Variants in TLE4 observed in about 807,000 individuals in gnomAD.
TLE4 encodes the protein TLE family member 4, transcriptional corepressor.
TLE4 carries 8 observed loss-of-function variants against 92.8 expected under a neutral mutation model. That is an observed-to-expected ratio of 0.09 (90% CI 0.05 to 0.16). The LOEUF (loss-of-function observed/expected upper bound fraction) is 0.16. TLE4 is among the 10% of genes least tolerant of loss of function. The probability of loss-of-function intolerance (pLI) is 1.00; values close to 1 mark genes in which losing one functional copy is unlikely to be tolerated. For synonymous variants in TLE4, 371 were observed against 374.1 expected (o/e 0.99, Z 0.10); for missense variants, 675 against 997.6 (o/e 0.68, Z 4.36).
chr9:79,598,078 A>G (rs1002396545), intron 4 of TLE4, among the ~76,000 whole-genome samples: 2 of 148,000 alleles, frequency 1.4e-5, no homozygotes, highest in African/African-American at 5.0e-5. Flanking sequence ...TGAAAAAGAA[A>G]AAAAAAAAAA....
intron 8 of TLE4, among the ~76,000 whole-genome samples, chr9:79,675,783 T>G (rs1489497577): frequency 6.6e-6 from 1 of 152,200 alleles, no homozygotes; most frequent in Non-Finnish European, 1.5e-5. Context: ...AGATAATGTC[T>G]TAGAATCTTA....
chr9:79,617,412 T>C (rs1277735503), intron 5 of TLE4, among the ~76,000 whole-genome samples: 4 of 152,216 alleles, frequency 2.6e-5, no homozygotes, highest in Non-Finnish European at 5.9e-5. Flanking sequence ...TGTTTCACAG[T>C]GATCCACAAG....
intron 5 of TLE4, among the ~76,000 whole-genome samples, chr9:79,623,662 CT>C (rs1348619935): frequency 6.9e-6 from 1 of 145,708 alleles, no homozygotes; most frequent in Non-Finnish European, 1.5e-5. Context: ...TTTTCAGTAA[CT>C]TTACAGAGTC....
intron 6 of TLE4, among the ~76,000 whole-genome samples, chr9:79,630,674 G>GT (rs1488531887): frequency 6.6e-6 from 1 of 152,156 alleles, no homozygotes; most frequent in Non-Finnish European, 1.5e-5. Context: ...TTTTAAATCA[G>GT]TAATATGATC....
intron 5 of TLE4, among the ~76,000 whole-genome samples, chr9:79,623,069 A>G (rs2051446484): frequency 6.6e-6 from 1 of 152,122 alleles, no homozygotes; most frequent in East Asian, 1.9e-4. Flanking sequence ...AATTTATAAA[A>G]TTTTGAAGCA....
intron 6 of TLE4, among the ~76,000 whole-genome samples, chr9:79,648,605 TA>T (rs1180741356): frequency 1.2e-4 from 19 of 152,124 alleles, no homozygotes; most frequent in Non-Finnish European, 2.5e-4. Context: ...TCATTGTAAC[TA>T]AAATAAGCTG....
intron 18 of TLE4, 27 bp downstream of exon 18, chr9:79,722,628 C>A: frequency 6.2e-7 from 1 of 1,610,136 alleles, no homozygotes; most frequent in Non-Finnish European, 8.5e-7. Context: ...TGTCCATTTT[C>A]TGTCAACCAG....
intron 4 of TLE4, among the ~76,000 whole-genome samples, chr9:79,608,128 A>T (rs2132910180): frequency 6.6e-6 from 1 of 152,130 alleles, no homozygotes; most frequent in African/African-American, 2.4e-5. Flanking sequence ...AATAGCTAAG[A>T]TTAGTTTTAT....
At chr9:79,670,601 C>G (rs1469361159) in intron 8 of TLE4, among the ~76,000 whole-genome samples, 4 of 152,192 alleles carry the variant, frequency 2.6e-5, no homozygotes, top group Admixed American at 6.5e-5. Flanking sequence ...TCTACATACT[C>G]TGTTCAAACT....
intron 6 of TLE4, among the ~76,000 whole-genome samples, chr9:79,629,335 C>T (rs887144875): frequency 6.6e-6 from 1 of 151,930 alleles, no homozygotes; most frequent in Non-Finnish European, 1.5e-5. Flanking sequence ...AGAACAAGTT[C>T]CCTTCACTTC....
intron 13 of TLE4, 91 bp downstream of exon 13, chr9:79,708,877 C>T (rs2135983543): frequency 7.0e-7 from 1 of 1,429,460 alleles, no homozygotes; most frequent in African/African-American, 1.4e-5. Flanking sequence ...TGTCACCCAG[C>T]CTGGAGTGCA....
intron 14 of TLE4, among the ~76,000 whole-genome samples, chr9:79,712,708 G>C (rs570734358): frequency 6.6e-6 from 1 of 152,352 alleles, no homozygotes; most frequent in East Asian, 1.9e-4. Flanking sequence ...TGAATTAGCA[G>C]AGGTTCTACT....
chr9:79,623,942 G>A (rs1157930241), intron 5 of TLE4, among the ~76,000 whole-genome samples: 1 of 152,024 alleles, frequency 6.6e-6, no homozygotes, highest in East Asian at 1.9e-4. Flanking sequence ...GGTCTCTGCA[G>A]ATTGGCTGGA....
chr9:79,572,749 G>C lies in TLE4; in HGVS notation c.-42G>C. Reference sequence around the variant, plus strand: ...TCTTCGGGGTCATTAAAGCCAATGAGCCGCGCGCCTCTGCCGAGCGCAGCC... The same window carrying C: ...TCTTCGGGGTCATTAAAGCCAATGACCCGCGCGCCTCTGCCGAGCGCAGCC... On this transcript the variant is annotated 5_prime_UTR_variant, in exon 1 of 20. Coordinates refer to ENST00000376552, the MANE Select transcript of TLE4 (RefSeq NM_007005.6). 1 of 1,589,506 alleles carries C rather than the reference G, an allele frequency of 6.3e-7. No homozygotes were observed. The highest frequency in any genetic ancestry group is 1.4e-5 in the African/African-American group (1 of 72,186).
At chr9:79,574,747 A>G (rs1011908960) in intron 2 of TLE4, 126 bp from the exon 3 acceptor site, 4 of 733,904 alleles carry the variant, frequency 5.5e-6, no homozygotes, top group Admixed American at 2.3e-5. Context: ...CCTTTCCATA[A>G]TGATGGGGGT....
At chr9:79,685,057 A>C (rs11138331) in intron 8 of TLE4, among the ~76,000 whole-genome samples, 80,796 of 152,032 alleles carry the variant, frequency 0.53, 24,194 homozygotes, top group East Asian at 0.74. Flanking sequence ...CATTTCTCAT[A>C]GCTGCACTAG....
chr9:79,667,867 G>A (rs1176739044), intron 8 of TLE4, among the ~76,000 whole-genome samples: 1 of 152,180 alleles, frequency 6.6e-6, no homozygotes, highest in Non-Finnish European at 1.5e-5. Flanking sequence ...TTATCACTGG[G>A]AACTAACTCG....
Position 79,722,525 on chromosome 9 carries a change from G to C in TLE4, c.2061G>C (p.Leu687Phe). Reference protein sequence around the residue: ...VGMENSNVEVLHVTKPDKYQL... With the variant: ...VGMENSNVEVFHVTKPDKYQL... ...TGGAGAACAGCAATGTGGAAGTTTTGCATGTCACCAAGCCAGACAAATACC... is the reference window on the plus strand; with the variant it reads ...TGGAGAACAGCAATGTGGAAGTTTTCCATGTCACCAAGCCAGACAAATACC... The change falls in exon 18 of 20, where the codon TTG becomes TTC. Residue 687 changes from leucine (L) to phenylalanine (F), a missense_variant. Leu to Phe is a conservative substitution (Grantham distance 22). Around this residue, in one of 5 missense-constraint regions of TLE4, gnomAD observed 170 missense variants for 359.6 expected, o/e 0.47. Transcript: ENST00000376552. The C allele has an allele frequency of 6.2e-7, 1 of 1,614,214 alleles. No individual in the cohort carries two copies. The highest frequency in any genetic ancestry group is 8.5e-7 in the Non-Finnish European group (1 of 1,180,034).
chr9:79,586,979 CTT>C (rs1365018712), intron 4 of TLE4, among the ~76,000 whole-genome samples: 1 of 152,070 alleles, frequency 6.6e-6, no homozygotes, highest in African/African-American at 2.4e-5. Context: ...TAGTTATACT[CTT>C]TTAGTTACTT....
Sources: gnomAD v4.1 joint callset for allele counts (sites outside exome capture counted in the v4.1 genomes callset) on GRCh38, gnomAD v4.1.1 for gene constraint, gnomAD v4.1.1 regional missense constraint, MANE v1.5 for transcripts, NCBI Gene and HGNC (gene_info 2026-07-23, HGNC 2026-07-21) for gene names.